The following ADGRB3 variants were observed in gnomAD, a reference collection of about 807,000 sequenced individuals.
The protein encoded by ADGRB3 is adhesion G protein-coupled receptor B3.
A neutral mutation model predicts 193.4 loss-of-function variants in ADGRB3; 37 were observed. That is an observed-to-expected ratio of 0.19 (90% confidence interval 0.15 to 0.25). The LOEUF (loss-of-function observed/expected upper bound fraction) is 0.25. ADGRB3 is among the 10% of genes least tolerant of loss of function. The pLI, the probability that ADGRB3 is intolerant of heterozygous loss-of-function variation, is 1.00. For missense variants in ADGRB3, 1,637 were observed against 1,852.9 expected, an observed-to-expected ratio of 0.88 and a Z score of 2.14; for synonymous variants, 690 against 644.2, an observed-to-expected ratio of 1.07 and a Z score of -1.08.
At chr6:68,985,273 T>C (rs923589228) in intron 10 of ADGRB3, among the ~76,000 whole-genome samples, 1 of 152,146 alleles carries the variant, frequency 6.6e-6, no homozygotes, top group Non-Finnish European at 1.5e-5. Flanking sequence ...TGCCCCAGAC[T>C]TACGTTATCA....
rs183898622 is a variant in ADGRB3, at chr6:68,746,786, T to A, written c.757+107354T>A. On this transcript the variant is annotated intron_variant, in intron 3 of 31. Transcript: ENST00000370598. ...TAATCCTTTTAAACTAACATTTTTT[T>A]ATTTTATTTAATATTGTTTGGAGAT... Among the ~76,000 whole-genome samples, 511 of 152,334 alleles carry A rather than the reference T, an allele frequency of 3.4e-3. 7 individuals carry two copies. The highest frequency in any genetic ancestry group is 2.3e-3 in the Non-Finnish European group (154 of 68,028).
chr6:69,204,804 T>A (rs2150359012), intron 17 of ADGRB3, among the ~76,000 whole-genome samples: 1 of 152,296 alleles, frequency 6.6e-6, no homozygotes, highest in East Asian at 1.9e-4. Context: ...TTTCCAAGAC[T>A]GTAAAATTAT....
intron 3 of ADGRB3, among the ~76,000 whole-genome samples, chr6:68,645,866 G>C (rs1768198670): frequency 6.6e-6 from 1 of 151,754 alleles, no homozygotes; most frequent in Non-Finnish European, 1.5e-5. Flanking sequence ...TAGAAACGGG[G>C]TTTCACCATG....
chr6:68,655,397 A>T (rs139818476), intron 3 of ADGRB3, among the ~76,000 whole-genome samples: 3 of 151,840 alleles, frequency 2.0e-5, no homozygotes, highest in African/African-American at 7.2e-5. Context: ...AATACTTAGC[A>T]TAATGTTTGG....
At chr6:68,885,151 G>C (rs1319361618) in intron 3 of ADGRB3, among the ~76,000 whole-genome samples, 1 of 151,994 alleles carries the variant, frequency 6.6e-6, no homozygotes, top group Non-Finnish European at 1.5e-5. Flanking sequence ...CATTTTTTGG[G>C]GATCTTATAA....
At chr6:68,807,970 T>A (rs1767439015) in intron 3 of ADGRB3, among the ~76,000 whole-genome samples, 1 of 152,172 alleles carries the variant, frequency 6.6e-6, no homozygotes, top group South Asian at 2.1e-4. Context: ...CAGAGATGAC[T>A]TTCCTAACTT....
chr6:68,938,261 AAG>A (rs1767535088), intron 5 of ADGRB3, among the ~76,000 whole-genome samples: 1 of 152,060 alleles, frequency 6.6e-6, no homozygotes, highest in South Asian at 2.1e-4. Context: ...GAGTTTGTGA[AAG>A]GGGGAAGATG....
chr6:68,702,583 G>A (rs1333132635), intron 3 of ADGRB3, among the ~76,000 whole-genome samples: 1 of 152,148 alleles, frequency 6.6e-6, no homozygotes, highest in African/African-American at 2.4e-5. Context: ...CAGTTTCGCT[G>A]CTCTACAGAG....
intron 17 of ADGRB3, among the ~76,000 whole-genome samples, chr6:69,161,026 G>T (rs1774971306): frequency 6.6e-6 from 1 of 152,016 alleles, no homozygotes; most frequent in Non-Finnish European, 1.5e-5. Flanking sequence ...CTGATATCAG[G>T]CAAGTTAGTT....
intron 17 of ADGRB3, among the ~76,000 whole-genome samples, chr6:69,214,955 A>T (rs942740504): frequency 6.6e-6 from 1 of 152,122 alleles, no homozygotes; most frequent in African/African-American, 2.4e-5. Flanking sequence ...ATACTTCCTG[A>T]TACGATATTC....
intron 17 of ADGRB3, among the ~76,000 whole-genome samples, chr6:69,140,911 G>T (rs554288468): frequency 1.3e-5 from 2 of 151,978 alleles, no homozygotes; most frequent in Admixed American, 6.6e-5. Flanking sequence ...ATAATAACCT[G>T]CTTGATTCCA....
At position 68,899,958 on chromosome 6, in the gene ADGRB3, A is replaced by T. The variant is rs899713633; in HGVS notation, c.758-30601A>T. Reference sequence around the variant, plus strand: ...AGTAGCTGACTGAGAAAAAGGCATGAGTAATATACCTGAGAGTAAACAACA... The same window carrying T: ...AGTAGCTGACTGAGAAAAAGGCATGTGTAATATACCTGAGAGTAAACAACA... On this transcript the variant is annotated intron_variant, in intron 3 of 31. Coordinates refer to ENST00000370598, the MANE Select transcript of ADGRB3 (RefSeq NM_001704.3). Among the ~76,000 whole-genome samples, 5 of 152,240 alleles carry T rather than the reference A, an allele frequency of 3.3e-5. No individual in the cohort carries two copies. The Middle Eastern group carries it at 0.01, about 311-fold the overall frequency.
intron 3 of ADGRB3, among the ~76,000 whole-genome samples, chr6:68,826,246 A>G (rs1323745339): frequency 1.3e-5 from 2 of 152,224 alleles, no homozygotes; most frequent in African/African-American, 4.8e-5. Context: ...GGAATAAATA[A>G]GGAAAAGAGT....
chr6:68,854,353 T>A (rs749284205), intron 3 of ADGRB3, among the ~76,000 whole-genome samples: 9 of 152,170 alleles, frequency 5.9e-5, no homozygotes, highest in Non-Finnish European at 1.3e-4. Context: ...TAATGATATA[T>A]TGTATTTTAG....
At position 68,775,326 on chromosome 6, in the gene ADGRB3, G is replaced by A. The variant is rs554370471; in HGVS notation, c.757+135894G>A. On this transcript the variant is annotated intron_variant, in intron 3 of 31. Transcript: ENST00000370598. ...ACCGGCTAGCTAAGGAACAGCAAAT[G>A]TGGCTGCCCCGTGCACCAAGGGCCA... Among the ~76,000 whole-genome samples, 8 of 152,112 alleles carry A rather than the reference G, an allele frequency of 5.3e-5. No individual in the cohort carries two copies. The South Asian group carries it at 1.7e-3, about 31-fold the overall frequency.
At position 69,261,098 on chromosome 6, in the gene ADGRB3, G is replaced by A. The variant is rs1245822885; in HGVS notation, c.2814+21872G>A. Among the ~76,000 whole-genome samples the A allele has an allele frequency of 3.3e-5, 5 of 152,182 alleles. 1 individual carries two copies. The highest frequency in any genetic ancestry group is 7.2e-5 in the African/African-American group (3 of 41,544). On this transcript the variant is annotated intron_variant, in intron 20 of 31. Transcript: ENST00000370598. ...GGCTTTTGTATTTGAATAATTATAT[G>A]CAGTTGCACTATTGAATAGAAAATT...
At chr6:68,699,311 C>A (rs1765204760) in intron 3 of ADGRB3, among the ~76,000 whole-genome samples, 1 of 152,014 alleles carries the variant, frequency 6.6e-6, no homozygotes, top group Admixed American at 6.6e-5. Context: ...TGAGGCAATT[C>A]TAAAGAGTAA....
intron 3 of ADGRB3, among the ~76,000 whole-genome samples, chr6:68,683,020 G>A (rs1337487830): frequency 6.6e-6 from 1 of 151,912 alleles, no homozygotes; most frequent in Non-Finnish European, 1.5e-5. Flanking sequence ...CCTGACCTCA[G>A]GTGATCCAAC....
intron 17 of ADGRB3, among the ~76,000 whole-genome samples, chr6:69,099,527 T>G (rs1028018256): frequency 1.3e-5 from 2 of 152,244 alleles, no homozygotes; most frequent in Non-Finnish European, 2.9e-5. Context: ...AAGTGAAACC[T>G]CTATCCATAG....
Sources: gnomAD v4.1 joint callset for allele counts (sites outside exome capture counted in the v4.1 genomes callset) on GRCh38, gnomAD v4.1.1 for gene constraint, MANE v1.5 for transcripts, NCBI Gene and HGNC (gene_info 2026-07-23, HGNC 2026-07-21) for gene names.